The following XRCC2 variants were observed in gnomAD, a reference collection of about 807,000 sequenced individuals.
The protein encoded by XRCC2 is DNA repair protein XRCC2.
Under a neutral mutation model 27.3 loss-of-function variants are expected in XRCC2, and 24 were observed. That is an observed-to-expected ratio of 0.88 (90% CI 0.64 to 1.24). The LOEUF (loss-of-function observed/expected upper bound fraction) is 1.24. Among genes scored for constraint, XRCC2 ranks in the 50% most tolerant of loss-of-function variants. XRCC2 has a pLI of 0.00. For missense variants in XRCC2, 321 were observed against 325.8 expected (o/e 0.99, Z 0.11); for synonymous variants, 106 against 115.4 (o/e 0.92, Z 0.52).
Position 152,649,116 on chromosome 7 carries a change from G to A in XRCC2, c.369C>T (p.Ser123=), listed in dbSNP as rs2098027399. Residue 123 remains serine (S), a synonymous_variant, in exon 3 of 3, where the codon AGC becomes AGT. Transcript: ENST00000359321. ...AGTAAAGTGTAAGAAGTAAGTGGGT[G>A]CTACTACTGCAGTACACCAAAAAAA... ...GRFFLVYCSS[S]THLLLTLYSL... is the part of the protein sequence containing the mutation. 1.2e-6 allele frequency: 2 copies of A among 1,614,006 alleles called. No homozygotes were observed. The highest frequency in any genetic ancestry group is 1.7e-6 in the Non-Finnish European group (2 of 1,180,004).
intron 1 of XRCC2, among the ~76,000 whole-genome samples, chr7:152,669,424 C>A (rs1328745298): frequency 6.6e-6 from 1 of 152,134 alleles, no homozygotes; most frequent in East Asian, 1.9e-4. Context: ...TAATGGTAAA[C>A]ATTTTACAGA....
At chr7:152,669,428 TTACA>T (rs1415587864) in intron 1 of XRCC2, among the ~76,000 whole-genome samples, 1 of 152,012 alleles carries the variant, frequency 6.6e-6, no homozygotes, top group Non-Finnish European at 1.5e-5. Context: ...GGTAAACATT[TTACA>T]GAGTCTCACT....
chr7:152,645,785 G>T lies in XRCC2; in HGVS notation c.*2857C>A, dbSNP rs943435846. 4 of 152,128 alleles carry T rather than the reference G, an allele frequency of 2.6e-5. No individual in the cohort carries two copies. Among genetic ancestry groups the T allele is most frequent in the African/African-American group, 9.7e-5 (4 of 41,432 alleles). 9.4% of individuals were successfully genotyped at this position (152,128 alleles called of 1,614,324 possible). On this transcript the variant is annotated 3_prime_UTR_variant, in exon 3 of 3. Transcript: ENST00000359321. ...TCAAGGGACTCAGCTAGGCAAGGTG[G>T]CACACACCTGTAATCACAGCTACTT...
chr7:152,669,059 A>G (rs2098037150), intron 1 of XRCC2, among the ~76,000 whole-genome samples: 1 of 152,144 alleles, frequency 6.6e-6, no homozygotes, highest in African/African-American at 2.4e-5. Flanking sequence ...GAGTACAAGG[A>G]CTAAACTGAG....
At chr7:152,668,132 C>T (rs576671913) in intron 1 of XRCC2, among the ~76,000 whole-genome samples, 4 of 152,142 alleles carry the variant, frequency 2.6e-5, no homozygotes, top group South Asian at 4.2e-4. Context: ...AACCACAGTT[C>T]GGAACTATTA....
At chr7:152,649,556 A>G (rs995635731) in intron 2 of XRCC2, among the ~76,000 whole-genome samples, 193 bp from the exon 3 acceptor site, 1 of 152,216 alleles carries the variant, frequency 6.6e-6, no homozygotes, top group Non-Finnish European at 1.5e-5. Flanking sequence ...GAAGGTTGGA[A>G]GAGGCTAGGG....
chr7:152,654,641 G>C (rs1005350703), intron 2 of XRCC2, among the ~76,000 whole-genome samples: 4 of 152,200 alleles, frequency 2.6e-5, no homozygotes, highest in African/African-American at 9.7e-5. Flanking sequence ...TCAGAAGACA[G>C]GAGACAACGG....
chr7:152,649,721 C>A (rs1422045690), intron 2 of XRCC2, among the ~76,000 whole-genome samples: 1 of 152,168 alleles, frequency 6.6e-6, no homozygotes. Context: ...TCCCTTCTTC[C>A]TAAAGTATAA....
In XRCC2 at chr7:152,657,012, G is replaced by A. The variant is rs540636802; in HGVS notation, c.121+3689C>T. Among the ~76,000 whole-genome samples, 12 of 152,060 alleles carry A rather than the reference G, an allele frequency of 7.9e-5. No homozygotes were observed. In the East Asian group the frequency reaches 2.0e-3, roughly 25 times the overall value. ...AACACTTTGGGAGGCCAAGGTGGGC[G>A]AATCACCTGAGGTCAGGAGTTCAAG... On this transcript the variant is annotated intron_variant, in intron 2 of 2. Coordinates refer to ENST00000359321, the MANE Select transcript of XRCC2 (RefSeq NM_005431.2).
Position 152,647,586 on chromosome 7 carries a change from A to C in XRCC2, c.*1056T>G, listed in dbSNP as rs1367826018. On this transcript the variant is annotated 3_prime_UTR_variant, in exon 3 of 3. Transcript: ENST00000359321. ...GTTAATTTTTGTATATGGCATAAGG[A>C]AGGCGTCCATTTTCAATCTTTTCCA... 1 of 152,188 alleles carries C rather than the reference A, an allele frequency of 6.6e-6. No homozygotes were observed. Among genetic ancestry groups the C allele is most frequent in the African/African-American group, 2.4e-5 (1 of 41,442 alleles). 9.4% of individuals were successfully genotyped at this position (152,188 alleles called of 1,614,324 possible). A position where few individuals can be genotyped will look rare whatever the true frequency, so the allele number is the denominator to read the frequency against.
chr7:152,666,179 C>T (rs1361553102), intron 1 of XRCC2, among the ~76,000 whole-genome samples: 1 of 151,978 alleles, frequency 6.6e-6, no homozygotes, highest in Non-Finnish European at 1.5e-5. Context: ...TTCATGGACA[C>T]ATATAACATA....
At chr7:152,664,374 G>C (rs1200169940) in intron 1 of XRCC2, among the ~76,000 whole-genome samples, 2 of 152,144 alleles carry the variant, frequency 1.3e-5, no homozygotes, top group Non-Finnish European at 2.9e-5. Context: ...GGTGTGTCAT[G>C]AGGGTGTTTC....
At chr7:152,654,473 A>G (rs1188626247) in intron 2 of XRCC2, among the ~76,000 whole-genome samples, 1 of 152,248 alleles carries the variant, frequency 6.6e-6, no homozygotes, top group African/African-American at 2.4e-5. Flanking sequence ...TGAAACTACT[A>G]AATAATAAAT....
chr7:152,657,234 TAAA>T (rs79757667), intron 2 of XRCC2, among the ~76,000 whole-genome samples: 1 of 138,518 alleles, frequency 7.2e-6, no homozygotes. Context: ...AGACTCCATC[TAAA>T]AAAAAAAAAA....
intron 1 of XRCC2, 48 bp downstream of exon 1, chr7:152,675,993 C>G (rs2098040895): frequency 6.2e-7 from 1 of 1,612,040 alleles, no homozygotes; most frequent in Non-Finnish European, 8.5e-7. Context: ...CCTCGCCCAC[C>G]GGCGGCCTTG....
At position 152,648,968 on chromosome 7, in the gene XRCC2, G is replaced by C. The variant is rs1191215235; in HGVS notation, c.517C>G (p.Leu173Val). 6.2e-7 allele frequency: 1 copy of C among 1,614,098 alleles called. No individual in the cohort carries two copies. Among genetic ancestry groups the C allele is most frequent in the Non-Finnish European group, 8.5e-7 (1 of 1,180,052 alleles). The change falls in exon 3 of 3, where the codon CTG (leucine) becomes GTG (valine). Residue 173 changes from leucine (L) to valine (V), a missense_variant. By Grantham distance (32) the Leu-to-Val change is conservative. Coordinates refer to ENST00000359321, the MANE Select transcript of XRCC2 (RefSeq NM_005431.2). ...TCTAAGCACTGAGAACATTTCCTCAGAGTAGACTCCTGTAAGTTCACACTT... is the reference window on the plus strand; with the variant it reads ...TCTAAGCACTGAGAACATTTCCTCACAGTAGACTCCTGTAAGTTCACACTT... ...GESVNLQEST[L>V]RKCSQCLEKL...
In XRCC2 at chr7:152,649,085, C is replaced by T. The variant is rs868399438; in HGVS notation, c.400G>A (p.Glu134Lys). 1 of 1,614,092 alleles carries T rather than the reference C, an allele frequency of 6.2e-7. No homozygotes were observed. The highest frequency in any genetic ancestry group is 8.5e-7 in the Non-Finnish European group (1 of 1,180,028). The stretch of plus-strand genomic sequence containing the variant: ...GATGGGTGACTACAAAACATACTTT[C>T]TAGTGAGTAAAGTGTAAGAAGTAAG... ...THLLLTLYSL[E>K]SMFCSHPSLC... Residue 134 changes from glutamate (E) to lysine (K), a missense_variant, in exon 3 of 3, where the codon GAA becomes AAA. By Grantham distance (56) the Glu-to-Lys change is moderately conservative. Transcript: ENST00000359321.
At chr7:152,649,513 A>C (rs190237087) in intron 2 of XRCC2, 150 bp from the exon 3 acceptor site, 1 of 966,610 alleles carries the variant, frequency 1.0e-6, no homozygotes, top group Admixed American at 3.4e-5. Flanking sequence ...TGTACAAGCA[A>C]ATACAATAAA....
At chr7:152,666,598 CAA>C (rs957730038) in intron 1 of XRCC2, among the ~76,000 whole-genome samples, 1 of 149,608 alleles carries the variant, frequency 6.7e-6, no homozygotes, top group African/African-American at 2.5e-5. Context: ...GAGTATAACT[CAA>C]AGAAAAATAC....
Sources: allele counts gnomAD v4.1 joint callset (sites outside exome capture counted in the v4.1 genomes callset), GRCh38; gene constraint gnomAD v4.1.1; transcripts MANE v1.5; gene names NCBI Gene and HGNC (gene_info 2026-07-23, HGNC 2026-07-21).